Variants in ADK observed in about 807,000 individuals in gnomAD.
ADK encodes N6,N6-dimethyladenosine kinase.
Under a neutral mutation model 44.7 loss-of-function variants are expected in ADK, and 24 were observed. The ratio of observed to expected loss-of-function variants is 0.54; its 90% CI spans 0.39 to 0.76. ADK has a LOEUF of 0.76. Among genes scored for constraint, ADK ranks in the 30% least tolerant of loss-of-function variants. The pLI is 0.00. For missense variants in ADK, 321 were observed against 425.1 expected, an observed-to-expected ratio of 0.76 and a Z score of 2.15; for synonymous variants, 128 against 142.6, an observed-to-expected ratio of 0.90 and a Z score of 0.73.
At chr10:74,298,171 A>G (rs1460041116) in intron 3 of ADK, among the ~76,000 whole-genome samples, 1 of 152,194 alleles carries the variant, frequency 6.6e-6, no homozygotes, top group African/African-American at 2.4e-5. Context: ...AGTGTTCCAA[A>G]TTCATAGGAA....
At chr10:74,634,644 G>GA (rs1044762955) in intron 9 of ADK, among the ~76,000 whole-genome samples, 10 of 150,974 alleles carry the variant, frequency 6.6e-5, no homozygotes, top group Non-Finnish European at 7.4e-5. Context: ...AAAATGAAGA[G>GA]AAAAAAAACA....
At chr10:74,550,512 C>T (rs188661594) in intron 7 of ADK, among the ~76,000 whole-genome samples, 37 of 152,260 alleles carry the variant, frequency 2.4e-4, no homozygotes, top group African/African-American at 8.9e-4. Flanking sequence ...ATTGCTCTCC[C>T]TGCCTCTGGT....
intron 6 of ADK, among the ~76,000 whole-genome samples, chr10:74,424,340 G>C (rs988008384): frequency 1.3e-5 from 2 of 151,956 alleles, no homozygotes; most frequent in African/African-American, 4.8e-5. Flanking sequence ...TTCATGACCA[G>C]CCTGACCAAC....
intron 8 of ADK, among the ~76,000 whole-genome samples, chr10:74,596,151 T>TAA (rs112918678): frequency 3.3e-5 from 5 of 151,054 alleles, no homozygotes; most frequent in African/African-American, 1.2e-4. Context: ...AGTTTTGTGA[T>TAA]AAAAAAAAAC....
At chr10:74,171,532 G>T (rs866470175) in intron 1 of ADK, among the ~76,000 whole-genome samples, 11 of 152,276 alleles carry the variant, frequency 7.2e-5, no homozygotes, top group Admixed American at 1.3e-4. Context: ...TATAGGGCCA[G>T]ACCACAAGAT....
At chr10:74,483,332 G>A (rs1248357820) in intron 6 of ADK, among the ~76,000 whole-genome samples, 1 of 152,182 alleles carries the variant, frequency 6.6e-6, no homozygotes, top group Non-Finnish European at 1.5e-5. Context: ...CAGTATCAAG[G>A]TTGCACAGGG....
intron 3 of ADK, among the ~76,000 whole-genome samples, chr10:74,242,306 G>GA (rs1412888862): frequency 2.6e-5 from 4 of 152,116 alleles, no homozygotes; most frequent in African/African-American, 9.7e-5. Flanking sequence ...ACAGTTTGGG[G>GA]AGAAAAAAAC....
At chr10:74,489,165 C>T (rs1303148635) in intron 6 of ADK, among the ~76,000 whole-genome samples, 1 of 151,808 alleles carries the variant, frequency 6.6e-6, no homozygotes, top group Non-Finnish European at 1.5e-5. Flanking sequence ...GGTAATTATG[C>T]CTTTTATATT....
chr10:74,592,149 G>C (rs1851746958), intron 8 of ADK, among the ~76,000 whole-genome samples: 1 of 152,128 alleles, frequency 6.6e-6, no homozygotes, highest in Non-Finnish European at 1.5e-5. Context: ...AAGCATAAGA[G>C]AGGATTTTTT....
intron 4 of ADK, among the ~76,000 whole-genome samples, chr10:74,375,106 T>C (rs1448988290): frequency 1.3e-5 from 2 of 152,158 alleles, no homozygotes; most frequent in African/African-American, 2.4e-5. Context: ...ATGTTATAAT[T>C]GAGGTATGAA....
chr10:74,522,418 G>T (rs1050158386), intron 6 of ADK, among the ~76,000 whole-genome samples: 1 of 152,032 alleles, frequency 6.6e-6, no homozygotes, highest in African/African-American at 2.4e-5. Flanking sequence ...GCTTCTGCGG[G>T]TTTTCTCAAT....
At chr10:74,507,997 TAAA>T (rs1288622134) in intron 6 of ADK, among the ~76,000 whole-genome samples, 1 of 152,144 alleles carries the variant, frequency 6.6e-6, no homozygotes, top group African/African-American at 2.4e-5. Flanking sequence ...AGGAAAAACA[TAAA>T]AACTCAAGAT....
rs57151626 is a variant in ADK at position 74,383,386 on chromosome 10, G to GTCTGTCTCTGTCTCTGTC, written c.274-10745_274-10728dup. Among the ~76,000 whole-genome samples, 1,067 of 150,444 alleles carry GTCTGTCTCTGTCTCTGTC rather than the reference G, an allele frequency of 7.1e-3. 13 individuals are homozygous for GTCTGTCTCTGTCTCTGTC. The highest frequency in any genetic ancestry group is 0.014 in the African/African-American group (591 of 41,102). On this transcript the variant is annotated intron_variant, in intron 4 of 10. Transcript: ENST00000539909. ...GTTTTCTGATTCCAGTAGTCAGTCT[G>GTCTGTCTCTGTCTCTGTC]TCTGTCTCTGTCTCTGTCTCTGTCT... is the stretch of plus-strand genomic sequence containing the variant.
chr10:74,250,679 A>T (rs533631565), intron 3 of ADK, among the ~76,000 whole-genome samples: 21 of 152,318 alleles, frequency 1.4e-4, no homozygotes, highest in African/African-American at 4.8e-4. Flanking sequence ...TGAAAACTTC[A>T]TAATAGATAT....
chr10:74,392,166 C>A (rs1843359415), intron 4 of ADK, among the ~76,000 whole-genome samples: 1 of 152,102 alleles, frequency 6.6e-6, no homozygotes. Flanking sequence ...ATTCTTTTGA[C>A]TGTATACCCA....
chr10:74,376,907 G>T (rs1223341535), intron 4 of ADK, among the ~76,000 whole-genome samples: 1 of 151,768 alleles, frequency 6.6e-6, no homozygotes, highest in African/African-American at 2.4e-5. Context: ...GAGAATTTGA[G>T]CTAGAGATTT....
intron 7 of ADK, among the ~76,000 whole-genome samples, chr10:74,542,090 A>C (rs1227505092): frequency 6.6e-6 from 1 of 151,560 alleles, no homozygotes; most frequent in African/African-American, 2.4e-5. Flanking sequence ...AAAATATAAA[A>C]ATTAGCTGGG....
intron 4 of ADK, among the ~76,000 whole-genome samples, chr10:74,368,247 C>G (rs189784808): frequency 1.5e-4 from 23 of 151,956 alleles, no homozygotes; most frequent in African/African-American, 4.1e-4. Flanking sequence ...CCAAGTAGTT[C>G]AGGCTACAGG....
At chr10:74,502,117 C>T (rs1847904569) in intron 6 of ADK, among the ~76,000 whole-genome samples, 1 of 152,064 alleles carries the variant, frequency 6.6e-6, no homozygotes, top group South Asian at 2.1e-4. Context: ...AGATTAAATA[C>T]TATATATCAC....
Sources: gnomAD v4.1 joint callset for allele counts (sites outside exome capture counted in the v4.1 genomes callset) on GRCh38, gnomAD v4.1.1 for gene constraint, MANE v1.5 for transcripts, NCBI Gene and HGNC (gene_info 2026-07-23, HGNC 2026-07-21) for gene names.